Variants in AGTRAP observed in about 807,000 individuals in gnomAD.
The protein encoded by AGTRAP is angiotensin II receptor associated protein.
AGTRAP carries 7 observed loss-of-function variants against 15.2 expected under a neutral mutation model. The ratio of observed to expected loss-of-function variants is 0.46; its 90% CI spans 0.26 to 0.87. The LOEUF is 0.87. Among genes scored for constraint, AGTRAP ranks in the 40% least tolerant of loss-of-function variants. The pLI is 0.15. For missense variants in AGTRAP, 187 were observed against 213.4 expected (o/e 0.88, Z 0.77); for synonymous variants, 74 against 89.6 (o/e 0.83, Z 0.98).
At chr1:11,748,221 C>T (rs1269714121) in intron 3 of AGTRAP, among the ~76,000 whole-genome samples, 194 bp from the exon 4 acceptor site, 1 of 152,196 alleles carries the variant, frequency 6.6e-6, no homozygotes, top group Non-Finnish European at 1.5e-5. Flanking sequence ...GACCTGGGCC[C>T]CCGGCATCCC....
At chr1:11,750,056 A>G in intron 4 of AGTRAP, 21 bp from the exon 5 acceptor site, 1 of 1,595,338 alleles carries the variant, frequency 6.3e-7, no homozygotes. Flanking sequence ...TTTCTTTCCC[A>G]CCATGTCCCC....
In AGTRAP at chr1:11,745,107, G is replaced by A. The variant is rs896108183; in HGVS notation, c.28-696G>A. 2.0e-5 allele frequency among the ~76,000 whole-genome samples: 3 copies of A among 151,172 alleles called. No individual in the cohort carries two copies. The highest frequency in any genetic ancestry group is 2.9e-5 in the Non-Finnish European group (2 of 67,814). ...TGACCTCAGGTGATCCACCCACCTC[G>A]GCCTCCCAAAATGCTGGGATTACAG... is the stretch of plus-strand genomic sequence containing the variant. On this transcript the variant is annotated intron_variant, in intron 1 of 4. Transcript: ENST00000314340. The surrounding 1 kb of genome is among the most constrained non-coding windows in gnomAD (Gnocchi z 4.2).
rs142151801 is a variant in AGTRAP, at chr1:11,748,586, G to A, written c.340G>A (p.Gly114Arg). The A allele has an allele frequency of 8.7e-6, 14 of 1,608,788 alleles. No individual in the cohort carries two copies. Among genetic ancestry groups the A allele is most frequent in the African/African-American group, 2.7e-5 (2 of 74,930 alleles). ...CFVYHMYRER[G>R]GELLVHTGFL... Reference sequence around the variant, plus strand: ...CGTCTACCACATGTACCGGGAGCGCGGGGGTGAGCTCCTGGTCCACACTGG... The same window carrying A: ...CGTCTACCACATGTACCGGGAGCGCAGGGGTGAGCTCCTGGTCCACACTGG... Residue 114 changes from glycine to arginine, a missense_variant, in exon 4 of 5, where the codon GGG (glycine) becomes AGG (arginine). Gly to Arg is a moderately radical substitution (Grantham distance 125). Coordinates refer to ENST00000314340, the MANE Select transcript of AGTRAP (RefSeq NM_020350.5).
chr1:11,739,756 TGC>T (rs1413349263), intron 1 of AGTRAP, among the ~76,000 whole-genome samples: 1 of 152,218 alleles, frequency 6.6e-6, no homozygotes, highest in Non-Finnish European at 1.5e-5. Flanking sequence ...TAGCAGGAGT[TGC>T]TGCTGTCGTT....
intron 4 of AGTRAP, among the ~76,000 whole-genome samples, chr1:11,749,129 C>T (rs979773819): frequency 2.0e-5 from 3 of 152,192 alleles, no homozygotes; most frequent in Admixed American, 6.5e-5. Context: ...CTTTCCCTGC[C>T]CACCGGCCCC....
chr1:11,747,649 C>T, intron 3 of AGTRAP, 104 bp downstream of exon 3: 1 of 1,197,794 alleles, frequency 8.3e-7, no homozygotes, highest in Non-Finnish European at 1.2e-6. Flanking sequence ...CCCCCTCTTC[C>T]TTGGGCCACC....
chr1:11,741,570 A>G (rs1642031229), intron 1 of AGTRAP, among the ~76,000 whole-genome samples: 1 of 152,284 alleles, frequency 6.6e-6, no homozygotes, highest in Non-Finnish European at 1.5e-5. Flanking sequence ...CTCTTGCCTC[A>G]GTTTCCCCAT....
chr1:11,739,779 G>A (rs963934819), intron 1 of AGTRAP, among the ~76,000 whole-genome samples: 1 of 152,194 alleles, frequency 6.6e-6, no homozygotes, highest in Non-Finnish European at 1.5e-5. Context: ...GATGATGCAG[G>A]ATCCCTGCCC....
At chr1:11,750,027 C>T (rs370929413) in intron 4 of AGTRAP, 50 bp from the exon 5 acceptor site, 7 of 1,484,316 alleles carry the variant, frequency 4.7e-6, no homozygotes, top group Admixed American at 1.8e-5. Context: ...CTGAACATCC[C>T]GAGTTCTCAC....
In AGTRAP at chr1:11,736,214, G is replaced by A; in HGVS notation, c.6G>A (p.Glu2=). M[E]LPAVNLKVIL... ...TGCCCTCGGCCTGAGTCGGGATGGA[G>A]CTGCCTGCTGTGAACCTGAAGGTGG... The change falls in exon 1 of 5, where the codon GAG becomes GAA. Residue 2 remains glutamate, a synonymous_variant. Transcript: ENST00000314340. 6.2e-7 allele frequency: 1 copy of A among 1,607,344 alleles called. No homozygotes were observed. Among genetic ancestry groups the A allele is most frequent in the Non-Finnish European group, 8.5e-7 (1 of 1,177,658 alleles).
intron 2 of AGTRAP, 67 bp from the exon 3 acceptor site, chr1:11,747,373 G>C (rs535211564): frequency 1.9e-5 from 28 of 1,438,496 alleles, no homozygotes; most frequent in Non-Finnish European, 2.5e-5. Context: ...CTGAGACGCC[G>C]GAGCAGGAGG....
In AGTRAP at chr1:11,744,268, C is replaced by T. The variant is rs554220679; in HGVS notation, c.28-1535C>T. ...CCAGCCTGACCCACAGAGCAAGACC[C>T]TGTCTCCAAATTTAAAAAGAAAAAA... On this transcript the variant is annotated intron_variant, in intron 1 of 4. Transcript: ENST00000314340. 3.3e-5 allele frequency among the ~76,000 whole-genome samples: 5 copies of T among 152,308 alleles called. No homozygotes were observed. The East Asian group carries it at 7.7e-4, about 24-fold the overall frequency.
At chr1:11,742,742 G>T (rs1466601104) in intron 1 of AGTRAP, among the ~76,000 whole-genome samples, 1 of 152,090 alleles carries the variant, frequency 6.6e-6, no homozygotes, top group Non-Finnish European at 1.5e-5. Flanking sequence ...TGTTAGCCAG[G>T]TTGTTCTCGA....
In AGTRAP at chr1:11,750,458, A is replaced by C; in HGVS notation, c.*266A>C. The stretch of plus-strand genomic sequence containing the variant: ...AGGGTCTCTCTTTACCTCCTACCCC[A>C]TGGTGGCACCACAGAGGCCCTCAGC... On this transcript the variant is annotated 3_prime_UTR_variant, in exon 5 of 5. Coordinates refer to ENST00000314340, the MANE Select transcript of AGTRAP (RefSeq NM_020350.5). 6.8e-6 allele frequency: 4 copies of C among 592,196 alleles called. No homozygotes were observed. The highest frequency in any genetic ancestry group is 1.2e-5 in the Non-Finnish European group (4 of 331,984). The allele number at this position is 592,196 out of a possible 1,614,324, so 36.7% of individuals were successfully genotyped here.
At chr1:11,744,815 GA>G (rs1451716042) in intron 1 of AGTRAP, among the ~76,000 whole-genome samples, 2 of 152,208 alleles carry the variant, frequency 1.3e-5, no homozygotes, top group Admixed American at 6.5e-5. Flanking sequence ...GAGCATCCCT[GA>G]GGGCTGCTGG....
chr1:11,748,578 G>T lies in AGTRAP; in HGVS notation c.332G>T (p.Arg111Leu), dbSNP rs750218314. 3 of 1,609,802 alleles carry T rather than the reference G, an allele frequency of 1.9e-6. No individual in the cohort carries two copies. Among genetic ancestry groups the T allele is most frequent in the Admixed American group, 3.3e-5 (2 of 60,024 alleles). The change falls in exon 4 of 5, where the codon CGG becomes CTG. Residue 111 changes from arginine to leucine, a missense_variant. Physicochemically the swap from Arg to Leu is moderately radical, Grantham distance 102. Transcript: ENST00000314340. ...TGCTGCTTCGTCTACCACATGTACC[G>T]GGAGCGCGGGGGTGAGCTCCTGGTC... ...LSCCFVYHMY[R>L]ERGGELLVHT...
At chr1:11,742,606 C>T (rs17875985) in intron 1 of AGTRAP, among the ~76,000 whole-genome samples, 3 of 152,204 alleles carry the variant, frequency 2.0e-5, no homozygotes, top group Non-Finnish European at 4.4e-5. Flanking sequence ...TCTTGGCTCA[C>T]TGTACACTTG....
Position 11,750,349 on chromosome 1 carries a change from G to T in AGTRAP, c.*157G>T. On this transcript the variant is annotated 3_prime_UTR_variant, in exon 5 of 5. Coordinates refer to ENST00000314340, the MANE Select transcript of AGTRAP (RefSeq NM_020350.5). ...AAGAGGCCAGGAGCCCCCATGGGCC[G>T]CCCAGTACCATGCACACTCCTGTCC... 1.4e-6 allele frequency: 1 copy of T among 726,598 alleles called. No homozygotes were observed. The allele number at this position is 726,598 out of a possible 1,614,324, so 45.0% of individuals were successfully genotyped here.
In AGTRAP at chr1:11,744,444, C is replaced by T. The variant is rs1185011600; in HGVS notation, c.28-1359C>T. 7.4e-6 allele frequency: 5 copies of T among 673,240 alleles called. No individual in the cohort carries two copies. The East Asian group carries it at 1.4e-4, about 19-fold the overall frequency. 41.7% of individuals were successfully genotyped at this position (673,240 alleles called of 1,614,324 possible). A position where few individuals can be genotyped will look rare whatever the true frequency, so the allele number is the denominator to read the frequency against. ...ATGAAGCCCACGCTCCTTCCCGAGG[C>T]CCTCAGGCCCCCCTACCTGTCCCCA... On this transcript the variant is annotated intron_variant, in intron 1 of 4. Coordinates refer to ENST00000314340, the MANE Select transcript of AGTRAP (RefSeq NM_020350.5).
Sources: gnomAD v4.1 joint callset for allele counts (sites outside exome capture counted in the v4.1 genomes callset) on GRCh38, gnomAD v4.1.1 for gene constraint, Gnocchi (gnomAD v3.1) non-coding constraint, MANE v1.5 for transcripts, NCBI Gene and HGNC (gene_info 2026-07-23, HGNC 2026-07-21) for gene names.